CRYL1: variants seen among roughly 807,000 people sequenced by gnomAD.
The protein encoded by CRYL1 is crystallin lambda 1.
In CRYL1, 29 loss-of-function variants were observed where a neutral mutation model predicts 36.6. The ratio of observed to expected loss-of-function variants is 0.79; its 90% CI spans 0.59 to 1.08. The LOEUF is 1.08. CRYL1 is among the 50% of genes least tolerant of loss of function. The probability of loss-of-function intolerance (pLI) is 0.00; values close to 1 mark genes in which losing one functional copy is unlikely to be tolerated. For synonymous variants in CRYL1, 152 were observed against 151.5 expected, an observed-to-expected ratio of 1.00 and a Z score of -0.02; for missense variants, 411 against 407.9, an observed-to-expected ratio of 1.01 and a Z score of -0.06.
At chr13:20,419,855 T>C (rs1003952657) in intron 5 of CRYL1, among the ~76,000 whole-genome samples, 2 of 152,216 alleles carry the variant, frequency 1.3e-5, no homozygotes, top group African/African-American at 2.4e-5. Flanking sequence ...CACATGTTGC[T>C]TCCCCCACAT....
intron 2 of CRYL1, among the ~76,000 whole-genome samples, chr13:20,496,626 C>G (rs1369329625): frequency 3.3e-5 from 5 of 151,920 alleles, no homozygotes; most frequent in African/African-American, 4.8e-5. Context: ...AAGCATAGAC[C>G]TGTGCCTGGT....
At chr13:20,479,809 C>G (rs1485247646) in intron 3 of CRYL1, among the ~76,000 whole-genome samples, 1 of 152,004 alleles carries the variant, frequency 6.6e-6, no homozygotes, top group Non-Finnish European at 1.5e-5. Context: ...CCTAAAGAAC[C>G]CTGGAAGGAA....
At chr13:20,470,638 G>C (rs1426674887) in intron 3 of CRYL1, among the ~76,000 whole-genome samples, 2 of 152,178 alleles carry the variant, frequency 1.3e-5, no homozygotes, top group Non-Finnish European at 2.9e-5. Context: ...GCCAGGCGCG[G>C]TGGCTCACAC....
At chr13:20,428,479 G>A (rs1168712071) in intron 5 of CRYL1, among the ~76,000 whole-genome samples, 3 of 152,034 alleles carry the variant, frequency 2.0e-5, no homozygotes, top group Non-Finnish European at 4.4e-5. Context: ...GAATTTAGAT[G>A]CAAAAAAAAA....
intron 3 of CRYL1, among the ~76,000 whole-genome samples, chr13:20,474,954 C>T (rs1162476813): frequency 5.9e-5 from 9 of 152,152 alleles, no homozygotes; most frequent in Non-Finnish European, 1.0e-4. Flanking sequence ...AAGCAAGCTC[C>T]GAACTCTTGG....
intron 1 of CRYL1, among the ~76,000 whole-genome samples, chr13:20,520,108 G>C (rs763534716): frequency 4.6e-5 from 7 of 152,134 alleles, no homozygotes; most frequent in Non-Finnish European, 1.0e-4. Context: ...GTGGGGGAAG[G>C]TACTTTAAGG....
At chr13:20,471,500 G>T (rs2033060469) in intron 3 of CRYL1, among the ~76,000 whole-genome samples, 1 of 152,052 alleles carries the variant, frequency 6.6e-6, no homozygotes, top group African/African-American at 2.4e-5. Context: ...AGCTACTCGG[G>T]AGGCTGAGGT....
intron 3 of CRYL1, among the ~76,000 whole-genome samples, chr13:20,480,881 T>C (rs1310112756): frequency 6.6e-6 from 1 of 152,194 alleles, no homozygotes; most frequent in African/African-American, 2.4e-5. Flanking sequence ...CAGAAGAAGA[T>C]AAATACATAA....
In CRYL1 at chr13:20,473,888, C is replaced by T. The variant is rs191731994; in HGVS notation, c.276+15482G>A. 2.8e-3 allele frequency among the ~76,000 whole-genome samples: 433 copies of T among 152,246 alleles called. 3 individuals are homozygous for T. Among genetic ancestry groups the T allele is most frequent in the Admixed American group, 4.6e-3 (71 of 15,292 alleles). Reference sequence around the variant, plus strand: ...AGTACCAAAAACACAGCAAGTGAATCGGGTATAAGTAACAGGGTAATTTAG... The same window carrying T: ...AGTACCAAAAACACAGCAAGTGAATTGGGTATAAGTAACAGGGTAATTTAG... On this transcript the variant is annotated intron_variant, in intron 3 of 7. Transcript: ENST00000298248.
At chr13:20,464,680 A>C (rs1448517140) in intron 3 of CRYL1, among the ~76,000 whole-genome samples, 1 of 152,196 alleles carries the variant, frequency 6.6e-6, no homozygotes, top group Non-Finnish European at 1.5e-5. Flanking sequence ...CATTTGTAGC[A>C]GTTATTTATA....
chr13:20,418,016 T>G (rs1370489887), intron 5 of CRYL1, among the ~76,000 whole-genome samples: 1 of 152,118 alleles, frequency 6.6e-6, no homozygotes, highest in Non-Finnish European at 1.5e-5. Context: ...GGACAGGCCA[T>G]CAGGAGGGCA....
intron 3 of CRYL1, among the ~76,000 whole-genome samples, chr13:20,478,769 A>G (rs1279016753): frequency 1.3e-5 from 2 of 151,684 alleles, no homozygotes; most frequent in Non-Finnish European, 2.9e-5. Context: ...GAGCCACCAC[A>G]TCCAGCCCTC....
chr13:20,440,608 G>A lies in CRYL1; in HGVS notation c.277-854C>T, dbSNP rs141296846. On this transcript the variant is annotated intron_variant, in intron 3 of 7. Coordinates refer to ENST00000298248, the MANE Select transcript of CRYL1 (RefSeq NM_015974.3). Reference sequence around the variant, plus strand: ...CCCCAGGCAAACTGTTAAAAACATCGGTAGCTATCATCAACATTTATTTTC... The same window carrying A: ...CCCCAGGCAAACTGTTAAAAACATCAGTAGCTATCATCAACATTTATTTTC... Among the ~76,000 whole-genome samples, 209 of 152,214 alleles carry A rather than the reference G, an allele frequency of 1.4e-3. 1 individual carries two copies. Among genetic ancestry groups the A allele is most frequent in the Middle Eastern group, 6.8e-3 (2 of 294 alleles).
chr13:20,453,526 T>A (rs1234447919), intron 3 of CRYL1, among the ~76,000 whole-genome samples: 1 of 151,450 alleles, frequency 6.6e-6, no homozygotes, highest in Non-Finnish European at 1.5e-5. Flanking sequence ...GAGAGGAAAA[T>A]GTATAGCATT....
chr13:20,478,634 C>A (rs764170408), intron 3 of CRYL1, among the ~76,000 whole-genome samples: 15 of 152,038 alleles, frequency 9.9e-5, no homozygotes, highest in Non-Finnish European at 1.8e-4. Flanking sequence ...CACCACCATG[C>A]CATACTAATT....
At chr13:20,514,751 A>G (rs904288015) in intron 1 of CRYL1, among the ~76,000 whole-genome samples, 2 of 152,198 alleles carry the variant, frequency 1.3e-5, no homozygotes, top group African/African-American at 4.8e-5. Flanking sequence ...ATAATAGGGG[A>G]AATTTGGTGA....
chr13:20,507,029 G>A (rs539333844), intron 2 of CRYL1, among the ~76,000 whole-genome samples: 22 of 152,230 alleles, frequency 1.4e-4, no homozygotes, highest in East Asian at 3.9e-4. Context: ...TTTATAAAGC[G>A]GAGTTTCCCT....
At chr13:20,467,354 G>T (rs2032959998) in intron 3 of CRYL1, among the ~76,000 whole-genome samples, 2 of 152,284 alleles carry the variant, frequency 1.3e-5, no homozygotes, top group South Asian at 4.1e-4. Context: ...AAGTATAAAT[G>T]ACAAAGTTCA....
intron 5 of CRYL1, chr13:20,427,105 G>T: frequency 1.0e-6 from 1 of 985,464 alleles, no homozygotes; most frequent in Non-Finnish European, 1.2e-6. Flanking sequence ...CCAGCCAAAA[G>T]TCTATTGTCA....
Sources: allele counts gnomAD v4.1 joint callset (sites outside exome capture counted in the v4.1 genomes callset), GRCh38; gene constraint gnomAD v4.1.1; transcripts MANE v1.5; gene names NCBI Gene and HGNC (gene_info 2026-07-23, HGNC 2026-07-21).